Variants in EGFL6 observed in about 807,000 individuals in gnomAD.
EGFL6 encodes the protein EGF like domain multiple 6.
EGFL6 carries 42 observed loss-of-function variants against 43.1 expected under a neutral mutation model. The ratio of observed to expected loss-of-function variants is 0.98; its 90% CI spans 0.76 to 1.26. The LOEUF (loss-of-function observed/expected upper bound fraction) is 1.26. Ranked by LOEUF, EGFL6 falls within the 50% of genes most tolerant of loss-of-function variation. EGFL6 has a pLI of 0.00. For synonymous variants in EGFL6, 164 were observed against 163.2 expected (o/e 1.01, Z -0.04); for missense variants, 429 against 427.8 (o/e 1.00, Z -0.02).
In EGFL6 at chrX:13,606,379, A is replaced by T; in HGVS notation, c.521A>T (p.Asp174Val). Reference protein sequence around the residue: ...RLAPNGRDCLDIDECASGKVI... With the variant: ...RLAPNGRDCLVIDECASGKVI... ...ACACCTTCTGGTTTTTACACCCTAG[A>T]TATTGATGAATGTGCCTCTGGTAAA... is the stretch of plus-strand genomic sequence containing the variant. The change falls in exon 6 of 12, where the codon GAT (aspartate) becomes GTT (valine). Residue 174 changes from aspartate to valine, a missense_variant and splice_region_variant. Transcript: ENST00000361306. 1 of 1,210,415 alleles carries T rather than the reference A, an allele frequency of 8.3e-7. No individual in the cohort carries two copies. Among genetic ancestry groups the T allele is most frequent in the Non-Finnish European group, 1.1e-6 (1 of 894,821 alleles).
chrX:13,586,201 C>G (rs772988041), intron 1 of EGFL6, among the ~76,000 whole-genome samples: 1 of 111,347 alleles, frequency 9.0e-6, no homozygotes, highest in Non-Finnish European at 1.9e-5. Flanking sequence ...TGCTACTTCT[C>G]AAGCATTAGG....
chrX:13,608,238 T>C (rs1177013314), intron 6 of EGFL6, 86 bp from the exon 7 acceptor site: 3 of 1,112,043 alleles, frequency 2.7e-6, no homozygotes, highest in Non-Finnish European at 3.6e-6. Context: ...TGTTTAGTGC[T>C]TGGCCCTACA....
chrX:13,606,619 A>G, intron 6 of EGFL6, 106 bp downstream of exon 6: 1 of 912,393 alleles, frequency 1.1e-6, no homozygotes, highest in Non-Finnish European at 1.5e-6. Context: ...TGAACAATCT[A>G]CTGTGCTGAC....
At chrX:13,615,975 T>G (rs1170244589) in intron 7 of EGFL6, among the ~76,000 whole-genome samples, 2 of 111,953 alleles carry the variant, frequency 1.8e-5, no homozygotes, top group African/African-American at 6.5e-5. Flanking sequence ...TAATGTCTAC[T>G]CCATTGTTTC....
Position 13,569,733 on chromosome X carries a change from C to CGGTAACTG in EGFL6, c.-128_-121dup. On this transcript the variant is annotated 5_prime_UTR_variant, in exon 1 of 12. Transcript: ENST00000361306. Reference sequence around the variant, plus strand: ...CCTCCCAGACTGCAGGGACAGCACCCGGTAACTGCGAGTGGAGCGGAGGAC... The same window carrying CGGTAACTG: ...CCTCCCAGACTGCAGGGACAGCACCCGGTAACTGGGTAACTGCGAGTGGAGCGGAGGAC... 1.5e-6 allele frequency: 1 copy of CGGTAACTG among 650,951 alleles called. No homozygotes were observed. Among genetic ancestry groups the CGGTAACTG allele is most frequent in the Non-Finnish European group, 2.4e-6 (1 of 416,650 alleles). The allele number at this position is 650,951 out of a possible 1,213,427, so 53.6% of individuals were successfully genotyped here.
rs1178782365 is a variant in EGFL6 at position 13,617,921 on chromosome X, A to G, written c.970A>G (p.Arg324Gly). Reference sequence around the variant, plus strand: ...CTTCAACTATGAAGAGATAGTTTCCAGAGGCGGGAACTCTCATGGAGGTAA... The same window carrying G: ...CTTCAACTATGAAGAGATAGTTTCCGGAGGCGGGAACTCTCATGGAGGTAA... ...QPFNYEEIVS[R>G]GGNSHGGKKG... Residue 324 changes from arginine to glycine, a missense_variant, in exon 8 of 12, where the codon AGA (arginine) becomes GGA (glycine). Transcript: ENST00000361306. 8.3e-7 allele frequency: 1 copy of G among 1,209,667 alleles called. No homozygotes were observed. Among genetic ancestry groups the G allele is most frequent in the African/African-American group, 1.8e-5 (1 of 57,050 alleles).
chrX:13,619,670 C>T (rs1000274746), intron 9 of EGFL6, among the ~76,000 whole-genome samples: 14 of 111,953 alleles, frequency 1.3e-4, no homozygotes, highest in Non-Finnish European at 2.1e-4. Flanking sequence ...CCTCAGTGGC[C>T]TACAGCAATA....
rs868473782 is a variant in EGFL6, at chrX:13,633,288, C to G, written c.*193C>G. ...TAAATATCATATCACTGTATCTTCTCAGTCATTTCTGAATCTTTCCACATT... is the reference window on the plus strand; with the variant it reads ...TAAATATCATATCACTGTATCTTCTGAGTCATTTCTGAATCTTTCCACATT... On this transcript the variant is annotated 3_prime_UTR_variant, in exon 12 of 12. Transcript: ENST00000361306. 3.1e-5 allele frequency: 11 copies of G among 358,687 alleles called. No individual in the cohort carries two copies. Among genetic ancestry groups the G allele is most frequent in the African/African-American group, 8.1e-5 (3 of 36,847 alleles). 29.6% of individuals were successfully genotyped at this position (358,687 alleles called of 1,213,427 possible). A position where few individuals can be genotyped will look rare whatever the true frequency, so the allele number is the denominator to read the frequency against.
intron 10 of EGFL6, among the ~76,000 whole-genome samples, chrX:13,625,791 T>C (rs1402819737): frequency 9.6e-6 from 1 of 104,177 alleles, no homozygotes; most frequent in African/African-American, 3.6e-5. Flanking sequence ...GAGGCTGAAG[T>C]GGAAGGATCA....
At chrX:13,601,142 G>A (rs973845671) in intron 4 of EGFL6, among the ~76,000 whole-genome samples, 3 of 111,710 alleles carry the variant, frequency 2.7e-5, no homozygotes, top group Non-Finnish European at 5.6e-5. Context: ...AAATAAGCAC[G>A]TTGAACAAAA....
intron 7 of EGFL6, among the ~76,000 whole-genome samples, chrX:13,616,015 G>C (rs995950940): frequency 9.0e-6 from 1 of 111,678 alleles, no homozygotes; most frequent in East Asian, 2.8e-4. Context: ...CCAAATAATA[G>C]AATTAAGTGA....
chrX:13,596,676 C>T (rs1054893407), intron 3 of EGFL6: 2 of 111,581 alleles, frequency 1.8e-5, no homozygotes, highest in Non-Finnish European at 3.8e-5. Flanking sequence ...CAGGCACACA[C>T]CACCACACCC....
At position 13,627,130 on chromosome X, in the gene EGFL6, C is replaced by T. The variant is rs757384775; in HGVS notation, c.1405C>T (p.Arg469Trp). The T allele has an allele frequency of 7.4e-6, 9 of 1,210,508 alleles. No individual in the cohort carries two copies. Among genetic ancestry groups the T allele is most frequent in the African/African-American group, 5.2e-5 (3 of 57,315 alleles). ...QSNFCLLFDYRLAGDKVGKLR... is the reference protein window; with the variant it reads ...QSNFCLLFDYWLAGDKVGKLR... ...CAACTTCTGTTTGCTCTTTGATTAC[C>T]GGCTGGCCGGAGACAAAGTCGGGAA... Residue 469 changes from arginine (R) to tryptophan (W), a missense_variant, in exon 11 of 12, where the codon CGG (arginine) becomes TGG (tryptophan). Coordinates refer to ENST00000361306, the MANE Select transcript of EGFL6 (RefSeq NM_015507.4).
At chrX:13,605,578 C>CAAA (rs61513005) in intron 5 of EGFL6, among the ~76,000 whole-genome samples, 5 of 60,334 alleles carry the variant, frequency 8.3e-5, no homozygotes, top group African/African-American at 1.2e-4. Context: ...GGCCTTGTCT[C>CAAA]AAAAAAAAAA....
chrX:13,573,546 C>T (rs142201177), intron 1 of EGFL6, among the ~76,000 whole-genome samples: 1,464 of 112,119 alleles, frequency 0.013, 26 homozygotes, highest in African/African-American at 0.046. Context: ...GCTATGTAAA[C>T]ATTACAATGA....
At chrX:13,598,712 C>T (rs1174680607) in intron 3 of EGFL6, among the ~76,000 whole-genome samples, 1 of 107,218 alleles carries the variant, frequency 9.3e-6, no homozygotes, top group Non-Finnish European at 1.9e-5. Flanking sequence ...TTTTTTAAAC[C>T]AATTTTGGAA....
intron 7 of EGFL6, among the ~76,000 whole-genome samples, chrX:13,609,178 C>T (rs2045676755): frequency 8.9e-6 from 1 of 112,107 alleles, no homozygotes; most frequent in Non-Finnish European, 1.9e-5. Flanking sequence ...AGGACACAGG[C>T]TGACAGAGGC....
chrX:13,579,672 G>A (rs1387892083), intron 1 of EGFL6, among the ~76,000 whole-genome samples: 1 of 111,317 alleles, frequency 9.0e-6, no homozygotes, highest in Non-Finnish European at 1.9e-5. Context: ...TAGTAGTTCT[G>A]TATCTACTAT....
At position 13,578,634 on chromosome X, in the gene EGFL6, G is replaced by A. The variant is rs371371523; in HGVS notation, c.74+8699G>A. Among the ~76,000 whole-genome samples the A allele has an allele frequency of 6.6e-3, 735 of 110,944 alleles. 4 individuals are homozygous for A. The highest frequency in any genetic ancestry group is 0.023 in the African/African-American group (693 of 30,341). ...ATGAGTTCATATCCTTTGTAGGGAC[G>A]TGGATGAAGCTGGAAACCATCATTC... On this transcript the variant is annotated intron_variant, in intron 1 of 11. Transcript: ENST00000361306.
Sources: gnomAD v4.1 joint callset for allele counts (sites outside exome capture counted in the v4.1 genomes callset) on GRCh38, gnomAD v4.1.1 for gene constraint, MANE v1.5 for transcripts, NCBI Gene and HGNC (gene_info 2026-07-23, HGNC 2026-07-21) for gene names.